Variants in PCDHGB5 observed in about 807,000 individuals in gnomAD.
PCDHGB5 encodes protocadherin gamma subfamily B, 5.
Under a neutral mutation model 62.9 loss-of-function variants are expected in PCDHGB5, and 48 were observed. That is an observed-to-expected ratio of 0.76 (90% CI 0.61 to 0.97). The LOEUF is 0.97. PCDHGB5 is among the 50% of genes least tolerant of loss of function. PCDHGB5 has a pLI of 0.00. For synonymous variants in PCDHGB5, 474 were observed against 511.2 expected (o/e 0.93, Z 0.98); for missense variants, 1,118 against 1,198.6 (o/e 0.93, Z 0.99).
Position 141,408,894 on chromosome 5 carries a change from C to T in PCDHGB5, c.2397+8370C>T, listed in dbSNP as rs778126197. 71 of 1,613,186 alleles carry T rather than the reference C, an allele frequency of 4.4e-5. No homozygotes were observed. The Middle Eastern group carries it at 4.9e-4, about 11-fold the overall frequency. ...AGTGCCACCGCTCACATAGAAATTT[C>T]TGTCAAGGATACCAATGATAACCCC... On this transcript the variant is annotated intron_variant, in intron 1 of 3. Transcript: ENST00000617380.
At chr5:141,404,333 C>G (rs181615917) in intron 1 of PCDHGB5, 10 of 1,613,736 alleles carry the variant, frequency 6.2e-6, no homozygotes, top group Non-Finnish European at 8.5e-6. Flanking sequence ...CTCAGTCTAC[C>G]TCCCGGAAAA....
chr5:141,490,497 C>G lies in PCDHGB5; in HGVS notation c.2398-4310C>G. The stretch of plus-strand genomic sequence containing the variant: ...CTTTGGACCGGGAGGCCACATCCCA[C>G]TATATCATCGAGCTGCTGGCCAGCG... On this transcript the variant is annotated intron_variant, in intron 1 of 3. Transcript: ENST00000617380. The surrounding 1 kb of genome is among the most constrained non-coding windows in gnomAD (Gnocchi z 5.4). 6.2e-7 allele frequency: 1 copy of G among 1,614,196 alleles called. No individual in the cohort carries two copies. Among genetic ancestry groups the G allele is most frequent in the South Asian group, 1.1e-5 (1 of 91,084 alleles).
chr5:141,419,809 A>G (rs1181621732), intron 1 of PCDHGB5: 2 of 1,613,916 alleles, frequency 1.2e-6, no homozygotes, highest in African/African-American at 2.7e-5. Flanking sequence ...GAGATGGAGG[A>G]CAGCCACCCC....
intron 1 of PCDHGB5, chr5:141,428,210 A>T: frequency 7.7e-7 from 1 of 1,293,350 alleles, no homozygotes; most frequent in Non-Finnish European, 1.1e-6. Flanking sequence ...GCTACGCTTC[A>T]CCTAGTCTTC....
rs760017836 is a variant in PCDHGB5, at chr5:141,432,060, C to G, written c.2397+31536C>G. 1.2e-6 allele frequency: 2 copies of G among 1,614,200 alleles called. No homozygotes were observed. The highest frequency in any genetic ancestry group is 1.7e-6 in the Non-Finnish European group (2 of 1,180,048). ...GACCGGGGAACCCCGCCCCTATCCACGGAAACTCATATCTCGCTGAACGTG... is the reference window on the plus strand; with the variant it reads ...GACCGGGGAACCCCGCCCCTATCCAGGGAAACTCATATCTCGCTGAACGTG... On this transcript the variant is annotated intron_variant, in intron 1 of 3. Coordinates refer to ENST00000617380, the MANE Select transcript of PCDHGB5 (RefSeq NM_018925.3). The surrounding 1 kb of genome is among the most constrained non-coding windows in gnomAD (Gnocchi z 6.0).
At chr5:141,415,467 C>T (rs754252558) in intron 1 of PCDHGB5, 2 of 1,614,080 alleles carry the variant, frequency 1.2e-6, no homozygotes, top group African/African-American at 1.3e-5. Context: ...TCTCTCTCAC[C>T]GCGGACTCGC....
At chr5:141,480,625 G>A (rs1041569361) in intron 1 of PCDHGB5, among the ~76,000 whole-genome samples, 2 of 152,070 alleles carry the variant, frequency 1.3e-5, no homozygotes, top group Non-Finnish European at 2.9e-5. Flanking sequence ...ATTTTCCCTA[G>A]AACAATGTTT....
intron 1 of PCDHGB5, chr5:141,419,059 T>C (rs574873856): frequency 1.6e-5 from 26 of 1,613,962 alleles, no homozygotes; most frequent in Non-Finnish European, 2.0e-5. Context: ...CTTCTAATAA[T>C]TACTACAAGC....
rs766431596 is a variant in PCDHGB5 at position 141,422,883 on chromosome 5, C to T, written c.2397+22359C>T. The T allele has an allele frequency of 3.7e-6, 6 of 1,614,124 alleles. No homozygotes were observed. The African/African-American group carries it at 4.0e-5, about 11-fold the overall frequency. Reference sequence around the variant, plus strand: ...GCAGCAACGTGTCGCTGAGCCTGTTCGTGCTGGACCAGAACGACAATGCGC... The same window carrying T: ...GCAGCAACGTGTCGCTGAGCCTGTTTGTGCTGGACCAGAACGACAATGCGC... On this transcript the variant is annotated intron_variant, in intron 1 of 3. Transcript: ENST00000617380.
chr5:141,509,067 C>T (rs987332283), intron 3 of PCDHGB5, among the ~76,000 whole-genome samples: 1 of 152,132 alleles, frequency 6.6e-6, no homozygotes, highest in African/African-American at 2.4e-5. Flanking sequence ...CTCTCAGCTC[C>T]GGGGATTTGC....
chr5:141,410,154 A>C (rs1254712035), intron 1 of PCDHGB5: 1 of 1,612,962 alleles, frequency 6.2e-7, no homozygotes, highest in Non-Finnish European at 8.5e-7. Flanking sequence ...GACGGTGGAC[A>C]GCCGCCACTC....
intron 1 of PCDHGB5, among the ~76,000 whole-genome samples, chr5:141,458,758 G>T (rs1473104567): frequency 1.3e-5 from 2 of 150,844 alleles, no homozygotes; most frequent in Non-Finnish European, 3.0e-5. Context: ...TTTGAGACAG[G>T]GTCTTGCTGT....
At chr5:141,423,219 T>C (rs775170753) in intron 1 of PCDHGB5, 3 of 1,613,752 alleles carry the variant, frequency 1.9e-6, no homozygotes, top group Admixed American at 1.7e-5. Flanking sequence ...TCACCGTGGC[T>C]GTGGCCGACA....
At chr5:141,408,578 G>A (rs775312574) in intron 1 of PCDHGB5, 3 of 1,613,928 alleles carry the variant, frequency 1.9e-6, no homozygotes, top group African/African-American at 1.3e-5. Flanking sequence ...GATTGAGGAT[G>A]TTAATGACCA....
At chr5:141,414,088 A>G in intron 1 of PCDHGB5, 3 of 1,599,384 alleles carry the variant, frequency 1.9e-6, no homozygotes, top group Non-Finnish European at 8.5e-7. Context: ...TACTGGAGAA[A>G]TAAAAATATC....
rs765818637 is a variant in PCDHGB5 at position 141,409,918 on chromosome 5, C to T, written c.2397+9394C>T. ...ACCCAGCTCTGGGTCCTGACGGCTC[C>T]GCGTTCTTCGATATGGTACCTCGCT... On this transcript the variant is annotated intron_variant, in intron 1 of 3. Coordinates refer to ENST00000617380, the MANE Select transcript of PCDHGB5 (RefSeq NM_018925.3). 1.9e-6 allele frequency: 3 copies of T among 1,613,222 alleles called. No individual in the cohort carries two copies. In the African/African-American group the frequency reaches 4.0e-5, roughly 22 times the overall value.
chr5:141,490,009 A>T lies in PCDHGB5; in HGVS notation c.2398-4798A>T. Reference sequence around the variant, plus strand: ...TGTGGGAATCCCAGAGAATGCACCCATTGGTACTCTGCTGCTCCGCCTCAA... The same window carrying T: ...TGTGGGAATCCCAGAGAATGCACCCTTTGGTACTCTGCTGCTCCGCCTCAA... On this transcript the variant is annotated intron_variant, in intron 1 of 3. Transcript: ENST00000617380. The surrounding 1 kb of genome is among the most constrained non-coding windows in gnomAD (Gnocchi z 5.4). 5 of 1,614,214 alleles carry T rather than the reference A, an allele frequency of 3.1e-6. No individual in the cohort carries two copies. The highest frequency in any genetic ancestry group is 4.2e-6 in the Non-Finnish European group (5 of 1,180,032).
chr5:141,428,055 G>C (rs1232516220), intron 1 of PCDHGB5: 8 of 1,608,952 alleles, frequency 5.0e-6, no homozygotes, highest in African/African-American at 1.3e-5. Context: ...CAAGGTGGTG[G>C]CGGTGGACGC....
Position 141,399,263 on chromosome 5 carries a change from A to G in PCDHGB5, c.1136A>G (p.Asn379Ser). The G allele has an allele frequency of 5.6e-6, 9 of 1,613,918 alleles. No individual in the cohort carries two copies. Among genetic ancestry groups the G allele is most frequent in the Non-Finnish European group, 7.6e-6 (9 of 1,179,840 alleles). The change falls in exon 1 of 4, where the codon AAT becomes AGT. Residue 379 changes from asparagine to serine, a missense_variant. Physicochemically the swap from Asn to Ser is conservative, Grantham distance 46 (BLOSUM62 1). Around this residue, in one of 2 missense-constraint regions of PCDHGB5, gnomAD observed 1,034 missense variants for 1,029.1 expected, o/e 1.00. Coordinates refer to ENST00000617380, the MANE Select transcript of PCDHGB5 (RefSeq NM_018925.3). ...GATTCTGGGGAAAATGGGGAGGTTA[A>G]TTGTCAATTACAAGGCGAAGTCCCT... ...DQDSGENGEV[N>S]CQLQGEVPFK...
Sources: allele counts gnomAD v4.1 joint callset (sites outside exome capture counted in the v4.1 genomes callset), GRCh38; gene constraint gnomAD v4.1.1; regional missense constraint gnomAD v4.1.1; non-coding constraint Gnocchi (gnomAD v3.1); transcripts MANE v1.5; gene names NCBI Gene and HGNC (gene_info 2026-07-23, HGNC 2026-07-21).